Variants in LMNA observed in about 807,000 individuals in gnomAD.
The protein encoded by LMNA is lamin A/C, also known as lamin.
A neutral mutation model predicts 70.4 loss-of-function variants in LMNA; 20 were observed. The observed-to-expected ratio is 0.28, with a 90% CI of 0.20 to 0.41. The LOEUF is 0.41. Among genes scored for constraint, LMNA ranks in the 10% least tolerant of loss-of-function variants. The probability of loss-of-function intolerance (pLI) is 1.00; values close to 1 mark genes in which losing one functional copy is unlikely to be tolerated. For synonymous variants in LMNA, 339 were observed against 372.8 expected (o/e 0.91, Z 1.04); for missense variants, 652 against 917.2 (o/e 0.71, Z 3.73).
Position 156,103,593 on chromosome 1 carries a change from G to A in LMNA, c.-206-11120G>A, listed in dbSNP as rs1558111054. ...ACCCCTAGCCAACCCCTCCTTGCAA[G>A]CCCTCATTCGGGCGGGGAGAAGGAA... On this transcript the variant is annotated intron_variant, in intron 3 of 12. Transcript: ENST00000368301. The surrounding 1 kb of genome is among the most constrained non-coding windows in gnomAD (Gnocchi z 4.7). Among the ~76,000 whole-genome samples, 1 of 152,132 alleles carries A rather than the reference G, an allele frequency of 6.6e-6. No homozygotes were observed. Among genetic ancestry groups the A allele is most frequent in the Non-Finnish European group, 1.5e-5 (1 of 67,998 alleles).
chr1:156,126,125 A>G (rs1345683567), intron 1 of LMNA: 13 of 1,482,594 alleles, frequency 8.8e-6, no homozygotes, highest in African/African-American at 4.2e-5. Context: ...ACAGGGGGCG[A>G]TGTTCCTGGG....
At chr1:156,117,381 C>T (rs1339752149) in intron 1 of LMNA, among the ~76,000 whole-genome samples, 2 of 149,878 alleles carry the variant, frequency 1.3e-5, no homozygotes, top group African/African-American at 2.5e-5. Flanking sequence ...ACTATAGGTG[C>T]CTGCCACCAC....
At position 156,115,244 on chromosome 1, in the gene LMNA, T is replaced by G. The variant is rs1649740041; in HGVS notation, c.326T>G (p.Val109Gly). 6.2e-7 allele frequency: 1 copy of G among 1,612,254 alleles called. No individual in the cohort carries two copies. Among genetic ancestry groups the G allele is most frequent in the Middle Eastern group, 1.6e-4 (1 of 6,062 alleles). Residue 109 changes from valine to glycine, a missense_variant, in exon 1 of 12, where the codon GTG (valine) becomes GGG (glycine). Transcript: ENST00000368300. The surrounding 1 kb of genome is among the most constrained non-coding windows in gnomAD (Gnocchi z 5.8). ...RARLQLELSKVREEFKELKAR... is the reference protein window; with the variant it reads ...RARLQLELSKGREEFKELKAR... ...CGCCTGCAGCTGGAGCTGAGCAAAG[T>G]GCGTGAGGAGTTTAAGGAGCTGAAA...
At chr1:156,094,202 A>G (rs1196038349) in intron 3 of LMNA, among the ~76,000 whole-genome samples, 1 of 152,160 alleles carries the variant, frequency 6.6e-6, no homozygotes, top group African/African-American at 2.4e-5. Flanking sequence ...CACGAGAAGT[A>G]TACATGGGTC....
rs536942393 is a variant in LMNA, at chr1:156,103,406, C to T, written c.-206-11307C>T. On this transcript the variant is annotated intron_variant, in intron 3 of 12. Transcript: ENST00000368301. This position sits in a 1 kb window ranked among gnomAD's most constrained non-coding sequence, Gnocchi z 4.7. ...ATGCCCCTCTTGTGTGCTGGGCCCT[C>T]GCACTTCCTCTGTCTGGGACTCCTC... Among the ~76,000 whole-genome samples, 3 of 152,242 alleles carry T rather than the reference C, an allele frequency of 2.0e-5. No individual in the cohort carries two copies. Among genetic ancestry groups the T allele is most frequent in the Admixed American group, 6.5e-5 (1 of 15,298 alleles).
chr1:156,128,190 G>T (rs971580970), intron 1 of LMNA, among the ~76,000 whole-genome samples: 1 of 152,094 alleles, frequency 6.6e-6, no homozygotes, highest in African/African-American at 2.4e-5. Flanking sequence ...AGCAGTGCTT[G>T]GTACCTAATA....
At chr1:156,084,327 T>TGGGG (rs1558104047) in intron 2 of LMNA, among the ~76,000 whole-genome samples, 1 of 5,770 alleles carries the variant, frequency 1.7e-4, no homozygotes, top group Admixed American at 2.3e-3. Context: ...TCTCAGAAGG[T>TGGGG]CGGGGGGTGG....
chr1:156,138,366 TG>T lies in LMNA; in HGVS notation c.1699-119del. 1.7e-6 allele frequency: 2 copies of T among 1,157,858 alleles called. No homozygotes were observed. The highest frequency in any genetic ancestry group is 1.4e-5 in the South Asian group (1 of 68,994). The allele number at this position is 1,157,858 out of a possible 1,614,324, so 71.7% of individuals were successfully genotyped here. A position where few individuals can be genotyped will look rare whatever the true frequency, so the allele number is the denominator to read the frequency against. On this transcript the variant is annotated intron_variant, in intron 10 of 11. Transcript: ENST00000368300. This position sits in a 1 kb window ranked among gnomAD's most constrained non-coding sequence, Gnocchi z 5.5. Reference sequence around the variant, plus strand: ...AAACCCCCATTGCCCGCTGGCTCCTTGGGCACAGAACCACACCTTCCTGCCT... The same window carrying T: ...AAACCCCCATTGCCCGCTGGCTCCTTGGCACAGAACCACACCTTCCTGCCT...
Position 156,136,236 on chromosome 1 carries a change from A to T in LMNA, c.1180A>T (p.Thr394Ser). Residue 394 changes from threonine (T) to serine (S), a missense_variant, in exon 7 of 12, where the codon ACC (threonine) becomes TCC (serine). Coordinates refer to ENST00000368300, the MANE Select transcript of LMNA (RefSeq NM_170707.4). The surrounding 1 kb of genome is among the most constrained non-coding windows in gnomAD (Gnocchi z 6.1). ...CAGGCTACGCCTGTCCCCCAGCCCT[A>T]CCTCGCAGCGCAGCCGTGGCCGTGC... ...EERLRLSPSP[T>S]SQRSRGRASS... is the part of the protein sequence containing the mutation. 6.2e-7 allele frequency: 1 copy of T among 1,612,206 alleles called. No homozygotes were observed.
rs201227908 is a variant in LMNA at position 156,134,868 on chromosome 1, C to A, written c.703C>A (p.Arg235Ser). The A allele has an allele frequency of 6.2e-7, 1 of 1,614,196 alleles. No individual in the cohort carries two copies. The highest frequency in any genetic ancestry group is 8.5e-7 in the Non-Finnish European group (1 of 1,180,036). ...RLVEIDNGKQREFESRLADAL... is the reference protein window; with the variant it reads ...RLVEIDNGKQSEFESRLADAL... ...GGTGGAGATTGACAATGGGAAGCAG[C>A]GTGAGTTTGAGAGCCGGCTGGCGGA... Residue 235 changes from arginine to serine, a missense_variant, in exon 4 of 12, where the codon CGT becomes AGT. Arg to Ser is a moderately radical substitution (Grantham distance 110). This residue lies in a region of LMNA where 254 missense variants were observed against 421.9 expected (regional missense o/e 0.60). Coordinates refer to ENST00000368300, the MANE Select transcript of LMNA (RefSeq NM_170707.4). The surrounding 1 kb of genome is among the most constrained non-coding windows in gnomAD (Gnocchi z 5.3).
chr1:156,114,557 G>A (rs895451114), upstream of LMNA: 3 of 296,110 alleles, frequency 1.0e-5, no homozygotes, highest in Non-Finnish European at 1.9e-5. Flanking sequence ...GGAGAGGGTG[G>A]GGCCCGACTC....
intron 1 of LMNA, among the ~76,000 whole-genome samples, chr1:156,127,519 T>G (rs577317776): frequency 8.4e-4 from 112 of 132,916 alleles, no homozygotes; most frequent in Admixed American, 4.5e-3. Context: ...GTTTTTTTTT[T>G]TTTTTTTTTT....
intron 1 of LMNA, chr1:156,126,338 C>A: frequency 1.2e-6 from 1 of 831,710 alleles, no homozygotes; most frequent in Non-Finnish European, 1.8e-6. Context: ...AGTGTCTGTC[C>A]CTCTTGCTTC....
At chr1:156,126,835 G>A in intron 1 of LMNA, 2 of 1,612,110 alleles carry the variant, frequency 1.2e-6, no homozygotes, top group Non-Finnish European at 1.7e-6. Context: ...GGAACCTGGA[G>A]GATGCAAGGG....
At chr1:156,114,069 C>T (rs577052857), upstream of LMNA, among the ~76,000 whole-genome samples, 1 of 134,330 alleles carries the variant, frequency 7.4e-6, no homozygotes, top group Non-Finnish European at 1.5e-5. Flanking sequence ...AAAAAAGGGA[C>T]CCCCCAAACT....
chr1:156,101,636 A>AGGGAGGG (rs1558110244), intron 3 of LMNA, among the ~76,000 whole-genome samples: 7 of 101,922 alleles, frequency 6.9e-5, no homozygotes, highest in Non-Finnish European at 1.3e-4. Context: ...GGAAGGAAGG[A>AGGGAGGG]AGGGAGGGAG....
At chr1:156,092,197 C>T (rs1016951768) in intron 3 of LMNA, among the ~76,000 whole-genome samples, 1 of 151,694 alleles carries the variant, frequency 6.6e-6, no homozygotes, top group African/African-American at 2.4e-5. Context: ...GGATTACAGG[C>T]GTGAGCCACA....
At chr1:156,107,176 T>C (rs1476461805) in intron 3 of LMNA, among the ~76,000 whole-genome samples, 2 of 152,212 alleles carry the variant, frequency 1.3e-5, no homozygotes. Flanking sequence ...GTAACCTTGA[T>C]TGTGAAAAGC....
Position 156,115,345 on chromosome 1 carries a change from C to A in LMNA, c.356+71C>A. On this transcript the variant is annotated intron_variant, in intron 1 of 11. Coordinates refer to ENST00000368300, the MANE Select transcript of LMNA (RefSeq NM_170707.4). This position sits in a 1 kb window ranked among gnomAD's most constrained non-coding sequence, Gnocchi z 5.8. Reference sequence around the variant, plus strand: ...GCGGCGGGCCGGCGCCCCTGGCCGGCCGCAGGAAGGGAGTGAGAGGGCCTG... The same window carrying A: ...GCGGCGGGCCGGCGCCCCTGGCCGGACGCAGGAAGGGAGTGAGAGGGCCTG... The A allele has an allele frequency of 7.2e-7, 1 of 1,397,244 alleles. No homozygotes were observed. The highest frequency in any genetic ancestry group is 2.4e-5 in the East Asian group (1 of 41,524). 86.6% of individuals were successfully genotyped at this position (1,397,244 alleles called of 1,614,324 possible). A position where few individuals can be genotyped will look rare whatever the true frequency, so the allele number is the denominator to read the frequency against.
Sources: gnomAD v4.1 joint callset for allele counts (sites outside exome capture counted in the v4.1 genomes callset) on GRCh38, gnomAD v4.1.1 for gene constraint, gnomAD v4.1.1 regional missense constraint, Gnocchi (gnomAD v3.1) non-coding constraint, MANE v1.5 for transcripts, NCBI Gene and HGNC (gene_info 2026-07-23, HGNC 2026-07-21) for gene names.